SLC9D1: variants seen among roughly 807,000 people sequenced by gnomAD.
The protein encoded by SLC9D1 is putative LAG1-interacting protein.
At chr13:113,491,051 G>T in the SLC9D1 span, 1 of 157,234 alleles carries the variant, frequency 6.4e-6, no homozygotes, top group South Asian at 2.0e-4. Context: ...CTGAGCGGGG[G>T]CGGTGCTGGG....
At chr13:113,538,223 T>C in the SLC9D1 span, among the ~76,000 whole-genome samples, 1 of 98,556 alleles carries the variant, frequency 1.0e-5, no homozygotes, top group Admixed American at 1.1e-4. Flanking sequence ...CATGCATACA[T>C]ATGTGCTTTG....
the SLC9D1 span, among the ~76,000 whole-genome samples, chr13:113,544,341 G>A: frequency 2.0e-4 from 31 of 152,326 alleles, no homozygotes; most frequent in Middle Eastern, 3.4e-3. Flanking sequence ...CTGCTGCGCC[G>A]AAGGATGGCC....
At chr13:113,517,305 T>G in the SLC9D1 span, among the ~76,000 whole-genome samples, 1 of 152,164 alleles carries the variant, frequency 6.6e-6, no homozygotes, top group African/African-American at 2.4e-5. Flanking sequence ...CAATTTCAGC[T>G]CACTGCAAGT....
the SLC9D1 span, chr13:113,510,202 A>G: frequency 6.3e-7 from 1 of 1,588,684 alleles, no homozygotes; most frequent in Non-Finnish European, 8.6e-7. Flanking sequence ...GCCTGTTGTC[A>G]CTAAAAAGTG....
the SLC9D1 span, chr13:113,547,465 A>G: frequency 3.5e-6 from 4 of 1,132,720 alleles, no homozygotes; most frequent in South Asian, 2.5e-5. Context: ...TGGGGCCCAC[A>G]TCGGGCCTGC....
chr13:113,519,733 G>A, the SLC9D1 span, among the ~76,000 whole-genome samples: 7 of 151,080 alleles, frequency 4.6e-5, no homozygotes, highest in South Asian at 2.1e-4. Context: ...GCTTGGGTGC[G>A]TCTGCACCAT....
At chr13:113,539,183 CAT>C in the SLC9D1 span, among the ~76,000 whole-genome samples, 2 of 152,206 alleles carry the variant, frequency 1.3e-5, no homozygotes, top group Non-Finnish European at 1.5e-5. This position sits in a 1 kb window ranked among gnomAD's most constrained non-coding sequence, Gnocchi z 4.8. Flanking sequence ...GCAGCCTCCA[CAT>C]GTCACCTCTC....
At chr13:113,536,944 G>A in the SLC9D1 span, among the ~76,000 whole-genome samples, 7 of 152,108 alleles carry the variant, frequency 4.6e-5, no homozygotes, top group African/African-American at 9.7e-5. Context: ...TGAGCACGCC[G>A]TGCCCCACAG....
At chr13:113,534,121 T>C in the SLC9D1 span, 1 of 1,613,264 alleles carries the variant, frequency 6.2e-7, no homozygotes, top group Non-Finnish European at 8.5e-7. Context: ...TTTTCTTTTA[T>C]GTCTTGTTAT....
chr13:113,505,206 C>A, the SLC9D1 span: 2 of 151,818 alleles, frequency 1.3e-5, no homozygotes, highest in African/African-American at 4.8e-5. Context: ...GGATATTAGT[C>A]CTTTGTCGGA....
chr13:113,492,770 C>G, the SLC9D1 span, among the ~76,000 whole-genome samples: 42 of 152,212 alleles, frequency 2.8e-4, no homozygotes, highest in East Asian at 7.9e-3. Context: ...TGGTGGCGAG[C>G]GCCTGTAATT....
chr13:113,498,667 ATT>A, the SLC9D1 span: 307 of 641,712 alleles, frequency 4.8e-4, 1 homozygote, highest in African/African-American at 4.7e-3. Flanking sequence ...AGAGAAAATA[ATT>A]TGGTCTTGTA....
the SLC9D1 span, among the ~76,000 whole-genome samples, chr13:113,537,113 C>T: frequency 6.6e-6 from 1 of 152,222 alleles, no homozygotes; most frequent in Non-Finnish European, 1.5e-5. Context: ...GGTCGTTATT[C>T]TGTAGGGTGA....
At chr13:113,508,140 A>G in the SLC9D1 span, among the ~76,000 whole-genome samples, 3 of 152,244 alleles carry the variant, frequency 2.0e-5, no homozygotes, top group African/African-American at 4.8e-5. Context: ...TCCTGGCTGG[A>G]ATGTGGGGTA....
chr13:113,507,620 TGCTC>T, the SLC9D1 span, among the ~76,000 whole-genome samples: 6 of 152,222 alleles, frequency 3.9e-5, no homozygotes. Context: ...CCCTTGTAGC[TGCTC>T]GCTCCTCTAG....
the SLC9D1 span, among the ~76,000 whole-genome samples, chr13:113,521,909 C>G: frequency 6.6e-6 from 1 of 152,166 alleles, no homozygotes. Flanking sequence ...TAGATCTAAT[C>G]TCCAGAGGCT....
At chr13:113,525,448 T>C in the SLC9D1 span, among the ~76,000 whole-genome samples, 1 of 152,258 alleles carries the variant, frequency 6.6e-6, no homozygotes, top group African/African-American at 2.4e-5. Context: ...ATGTATTTAC[T>C]ATACTTTTTA....
chr13:113,500,637 G>C, the SLC9D1 span, among the ~76,000 whole-genome samples: 1 of 152,212 alleles, frequency 6.6e-6, no homozygotes, highest in Non-Finnish European at 1.5e-5. Flanking sequence ...GGAGGTACTT[G>C]AAGCTGAGAG....
At chr13:113,545,474 A>G in the SLC9D1 span, among the ~76,000 whole-genome samples, 1 of 152,240 alleles carries the variant, frequency 6.6e-6, no homozygotes. Context: ...CATTAAAGAA[A>G]TTGAAGGGAG....
Sources: gnomAD v4.1 joint callset for allele counts (sites outside exome capture counted in the v4.1 genomes callset) on GRCh38, gnomAD v4.1.1 for gene constraint, Gnocchi (gnomAD v3.1) non-coding constraint, MANE v1.5 for transcripts, NCBI Gene and HGNC (gene_info 2026-07-23, HGNC 2026-07-21) for gene names.